Variants in SORL1 observed in about 807,000 individuals in gnomAD.
SORL1 encodes the protein sortilin related receptor 1, also known as sortilin-related receptor.
SORL1 carries 127 observed loss-of-function variants against 273.7 expected under a neutral mutation model. The ratio of observed to expected loss-of-function variants is 0.46; its 90% CI spans 0.40 to 0.54. The LOEUF is 0.54. Among genes scored for constraint, SORL1 ranks in the 20% least tolerant of loss-of-function variants. The pLI is 0.00. For missense variants in SORL1, 2,494 were observed against 2,846.1 expected (o/e 0.88, Z 2.81); for synonymous variants, 1,031 against 1,067.4 (o/e 0.97, Z 0.66).
At chr11:121,478,795 T>C (rs375506512) in intron 3 of SORL1, among the ~76,000 whole-genome samples, 11 of 151,818 alleles carry the variant, frequency 7.2e-5, no homozygotes, top group African/African-American at 2.7e-4. Flanking sequence ...TGCGCGTGAG[T>C]ACCTTTGTGT....
chr11:121,464,787 A>C (rs995234936), intron 1 of SORL1, among the ~76,000 whole-genome samples: 3 of 152,256 alleles, frequency 2.0e-5, no homozygotes, highest in Admixed American at 1.3e-4. Context: ...GCCTGTGCGG[A>C]TGCTGTGGCT....
At position 121,490,764 on chromosome 11, in the gene SORL1, C is replaced by T. The variant is rs528799424; in HGVS notation, c.758+654C>T. On this transcript the variant is annotated intron_variant, in intron 5 of 47. Transcript: ENST00000260197. ...TCAAAAAAAAAAAAAAAAAAAATTC[C>T]TGCATTTGTTCATAACATTTTCTTG... Among the ~76,000 whole-genome samples, 244 of 150,722 alleles carry T rather than the reference C, an allele frequency of 1.6e-3. 1 individual carries two copies. Among genetic ancestry groups the T allele is most frequent in the African/African-American group, 5.7e-3 (235 of 40,980 alleles).
chr11:121,516,326 A>G (rs1222319899), intron 8 of SORL1, among the ~76,000 whole-genome samples: 3 of 152,202 alleles, frequency 2.0e-5, no homozygotes, highest in African/African-American at 7.2e-5. Flanking sequence ...AAGTAGAGCC[A>G]ATGGGATTTG....
In SORL1 at chr11:121,566,991, CCAA is replaced by C. The variant is rs1862763629; in HGVS notation, c.3107_3109del (p.Asn1036del). On this transcript the variant is annotated inframe_deletion, in exon 22 of 48. Transcript: ENST00000260197. ...TGCAGCCTGCTGTGCCTGCCCAAGGCCAACAACAGTAGAAGCTGCAGGTGTCCA... is the reference window on the plus strand; with the variant it reads ...TGCAGCCTGCTGTGCCTGCCCAAGGCCAACAGTAGAAGCTGCAGGTGTCCA... 6.2e-7 allele frequency: 1 copy of C among 1,613,976 alleles called. No homozygotes were observed. The highest frequency in any genetic ancestry group is 8.5e-7 in the Non-Finnish European group (1 of 1,179,982).
intron 14 of SORL1, among the ~76,000 whole-genome samples, chr11:121,547,328 T>TG (rs1183278967): frequency 1.4e-4 from 16 of 113,458 alleles, no homozygotes; most frequent in East Asian, 2.5e-4. Context: ...AACAAATCTT[T>TG]GGGGTTTTTT....
In SORL1 at chr11:121,452,353, A is replaced by G; in HGVS notation, c.22A>G (p.Arg8Gly). 1 of 1,553,524 alleles carries G rather than the reference A, an allele frequency of 6.4e-7. No homozygotes were observed. The highest frequency in any genetic ancestry group is 8.7e-7 in the Non-Finnish European group (1 of 1,154,420). Residue 8 changes from arginine (R) to glycine (G), a missense_variant, in exon 1 of 48, where the codon AGG (arginine) becomes GGG (glycine). By Grantham distance (125) the Arg-to-Gly change is moderately radical. Transcript: ENST00000260197. The surrounding 1 kb of genome is among the most constrained non-coding windows in gnomAD (Gnocchi z 5.3). ...GAACATGGCGACACGGAGCAGCAGG[A>G]GGGAGTCGCGACTCCCGTTCCTATT... is the stretch of plus-strand genomic sequence containing the variant. MATRSSR[R>G]ESRLPFLFTL... is the part of the protein sequence containing the mutation.
At chr11:121,459,507 A>G (rs370449098) in intron 1 of SORL1, among the ~76,000 whole-genome samples, 13 of 152,288 alleles carry the variant, frequency 8.5e-5, no homozygotes, top group Non-Finnish European at 1.6e-4. Flanking sequence ...TGGAGGGCCA[A>G]GTGGGTCCGG....
At chr11:121,604,084 T>C in intron 32 of SORL1, 109 bp from the exon 33 acceptor site, 1 of 1,379,470 alleles carries the variant, frequency 7.2e-7, no homozygotes, top group South Asian at 1.3e-5. Flanking sequence ...AGGTGTGTTT[T>C]GAAGCAGAAG....
chr11:121,559,701 A>G (rs374933590), intron 21 of SORL1, 44 bp downstream of exon 21: 98 of 1,596,604 alleles, frequency 6.1e-5, no homozygotes, highest in Non-Finnish European at 7.9e-5. Context: ...GTTGATCTCA[A>G]GAAAGGGGCT....
intron 12 of SORL1, among the ~76,000 whole-genome samples, chr11:121,537,949 G>A (rs545785855): frequency 5.9e-5 from 9 of 152,038 alleles, no homozygotes; most frequent in Admixed American, 1.3e-4. Flanking sequence ...GAATATCCTC[G>A]GTTCCTTTCC....
rs182154009 is a variant in SORL1, at chr11:121,499,069, T to C, written c.939+2020T>C. 2.4e-4 allele frequency among the ~76,000 whole-genome samples: 37 copies of C among 152,354 alleles called. No homozygotes were observed. In the East Asian group the frequency reaches 7.1e-3, roughly 29 times the overall value. On this transcript the variant is annotated intron_variant, in intron 6 of 47. Transcript: ENST00000260197. Reference sequence around the variant, plus strand: ...CGATACAGTACCCAGTGCCTTGCGCTATGTTTGATACGCAGCAGATGCGCA... The same window carrying C: ...CGATACAGTACCCAGTGCCTTGCGCCATGTTTGATACGCAGCAGATGCGCA...
rs141478763 is a variant in SORL1 at position 121,512,201 on chromosome 11, G to A, written c.940-802G>A. 3.2e-3 allele frequency among the ~76,000 whole-genome samples: 488 copies of A among 152,326 alleles called. 6 individuals are homozygous for A. The highest frequency in any genetic ancestry group is 0.011 in the African/African-American group (467 of 41,572). On this transcript the variant is annotated intron_variant, in intron 6 of 47. Coordinates refer to ENST00000260197, the MANE Select transcript of SORL1 (RefSeq NM_003105.6). The stretch of plus-strand genomic sequence containing the variant: ...AAAAATTTGCATATATGTTTACAGG[G>A]TTGCTGGACCATTTAAACCCATCTA...
intron 5 of SORL1, among the ~76,000 whole-genome samples, chr11:121,490,377 C>T (rs1359864261): frequency 1.3e-5 from 2 of 151,944 alleles, no homozygotes; most frequent in Non-Finnish European, 2.9e-5. Context: ...AATCTTGAGG[C>T]CCTTGCATGT....
chr11:121,622,641 C>T (rs1863739653), intron 45 of SORL1, among the ~76,000 whole-genome samples: 1 of 152,218 alleles, frequency 6.6e-6, no homozygotes, highest in Non-Finnish European at 1.5e-5. Flanking sequence ...ACTGTGGCTT[C>T]AGTACCAGGA....
chr11:121,480,449 G>A (rs919944632), intron 3 of SORL1, among the ~76,000 whole-genome samples: 4 of 152,060 alleles, frequency 2.6e-5, no homozygotes, highest in African/African-American at 9.7e-5. Flanking sequence ...GATGATTACT[G>A]TATTTACACA....
chr11:121,619,232 C>T (rs1288156411), intron 42 of SORL1, among the ~76,000 whole-genome samples: 3 of 152,074 alleles, frequency 2.0e-5, no homozygotes, highest in East Asian at 1.9e-4. Flanking sequence ...ATACATGGTA[C>T]GTTATTATTC....
At chr11:121,515,848 T>G (rs1398125450) in intron 8 of SORL1, among the ~76,000 whole-genome samples, 1 of 152,024 alleles carries the variant, frequency 6.6e-6, no homozygotes, top group Non-Finnish European at 1.5e-5. Context: ...GACAGCACCA[T>G]GTTGGCCAGG....
rs1862527561 is a variant in SORL1 at position 121,553,066 on chromosome 11, A to ATC, written c.2267-870_2267-869dup. ...CCTTCATTTCTACATCTTAAAAATCATCCACGGTAGCGTCTGTATCATAAC... is the reference window on the plus strand; with the variant it reads ...CCTTCATTTCTACATCTTAAAAATCATCTCCACGGTAGCGTCTGTATCATAAC... On this transcript the variant is annotated intron_variant, in intron 16 of 47. Coordinates refer to ENST00000260197, the MANE Select transcript of SORL1 (RefSeq NM_003105.6). Among the ~76,000 whole-genome samples, 2 of 152,224 alleles carry ATC rather than the reference A, an allele frequency of 1.3e-5. 1 individual carries two copies. Among genetic ancestry groups the ATC allele is most frequent in the Non-Finnish European group, 2.9e-5 (2 of 68,038 alleles).
intron 11 of SORL1, among the ~76,000 whole-genome samples, chr11:121,531,351 A>T (rs933951958): frequency 1.3e-5 from 2 of 152,180 alleles, no homozygotes; most frequent in Non-Finnish European, 2.9e-5. Flanking sequence ...CTGAGATTGC[A>T]CCACTGCACT....
Sources: allele counts gnomAD v4.1 joint callset (sites outside exome capture counted in the v4.1 genomes callset), GRCh38; gene constraint gnomAD v4.1.1; non-coding constraint Gnocchi (gnomAD v3.1); transcripts MANE v1.5; gene names NCBI Gene and HGNC (gene_info 2026-07-23, HGNC 2026-07-21).